The following CD24 variants were observed in gnomAD, a reference collection of about 807,000 sequenced individuals.
The protein encoded by CD24 is signal transducer CD24.
Under a neutral mutation model 3.6 loss-of-function variants are expected in CD24, and 2 were observed. The ratio of observed to expected loss-of-function variants is 0.56; its 90% CI spans 0.23 to 1.77. The LOEUF (loss-of-function observed/expected upper bound fraction) is 1.77, where lower values mean the gene tolerates loss of function less well. Among genes scored for constraint, CD24 ranks in the 40% most tolerant of loss-of-function variants. CD24 has a pLI of 0.18. For synonymous variants in CD24, 33 were observed against 44.9 expected (o/e 0.74, Z 1.06); for missense variants, 62 against 93.6 (o/e 0.66, Z 1.39).
At position 106,974,577 on chromosome 6, in the gene CD24, C is replaced by T; in HGVS notation, c.69+1G>A. On this transcript the variant is annotated splice_donor_variant, in intron 1 of 1. Transcript: ENST00000606017. LOFTEE classifies it high-confidence loss of function. Reference sequence around the variant, plus strand: ...AGCCCCGCCGGGCGCCAGGGCCTCACCTGCGTGGGTAGGAGCAGTGCCAGC... The same window carrying T: ...AGCCCCGCCGGGCGCCAGGGCCTCATCTGCGTGGGTAGGAGCAGTGCCAGC... The T allele has an allele frequency of 6.9e-7, 1 of 1,445,024 alleles. No individual in the cohort carries two copies. The highest frequency in any genetic ancestry group is 9.0e-7 in the Non-Finnish European group (1 of 1,108,520). 89.5% of individuals were successfully genotyped at this position (1,445,024 alleles called of 1,614,324 possible). A position where few individuals can be genotyped will look rare whatever the true frequency, so the allele number is the denominator to read the frequency against.
At chr6:106,971,882 C>T in intron 1 of CD24, 48 bp from the exon 2 acceptor site, 1 of 1,237,346 alleles carries the variant, frequency 8.1e-7, no homozygotes, top group South Asian at 1.3e-5. Context: ...ATCACAGCTA[C>T]CTCCATGTAC....
intron 1 of CD24, chr6:106,973,365 G>T: frequency 3.1e-6 from 1 of 320,904 alleles, no homozygotes; most frequent in Non-Finnish European, 5.6e-6. Flanking sequence ...GGCGGGGAGT[G>T]GAGGGGGCCG....
At chr6:106,974,924 A>AGCGCCCCGGGCGGGC (rs1469230091), upstream of CD24, among the ~76,000 whole-genome samples, 12 of 143,332 alleles carry the variant, frequency 8.4e-5, no homozygotes, top group African/African-American at 2.8e-4. Context: ...GCGGGCCGGG[A>AGCGCCCCGGGCGGGC]GCCCCCCGGG....
chr6:106,971,144 G>A lies in CD24; in HGVS notation c.*517C>T, dbSNP rs1242690042. 4.5e-5 allele frequency: 7 copies of A among 156,188 alleles called. No individual in the cohort carries two copies. Among genetic ancestry groups the A allele is most frequent in the African/African-American group, 1.4e-4 (6 of 41,436 alleles). 9.7% of individuals were successfully genotyped at this position (156,188 alleles called of 1,614,324 possible). ...TGTAAAACTTCATCTAGAGTATATC[G>A]GCATTAAATTAGTGCTGTCGAAACA... is the stretch of plus-strand genomic sequence containing the variant. On this transcript the variant is annotated 3_prime_UTR_variant, in exon 2 of 2. Transcript: ENST00000606017.
chr6:106,974,171 A>C (rs1485864129), intron 1 of CD24: 5 of 377,314 alleles, frequency 1.3e-5, no homozygotes, highest in African/African-American at 8.3e-5. Flanking sequence ...AGACATTCCT[A>C]GGGGAAAGCG....
In CD24 at chr6:106,974,651, C is replaced by T; in HGVS notation, c.-5G>A. 1 of 1,494,762 alleles carries T rather than the reference C, an allele frequency of 6.7e-7. No individual in the cohort carries two copies. Among genetic ancestry groups the T allele is most frequent in the Non-Finnish European group, 8.9e-7 (1 of 1,125,330 alleles). 92.6% of individuals were successfully genotyped at this position (1,494,762 alleles called of 1,614,324 possible). On this transcript the variant is annotated 5_prime_UTR_variant, in exon 1 of 2. Transcript: ENST00000606017. ...GGCCACCATTGCTCTGCCCATGTCC[C>T]CTCCGTCGGTGCGCGGCGCGTCTAG...
chr6:106,971,776 T>C lies in CD24; in HGVS notation c.128A>G (p.Asn43Ser), dbSNP rs1484278472. 1.5e-5 allele frequency: 23 copies of C among 1,551,388 alleles called. No individual in the cohort carries two copies. Among genetic ancestry groups the C allele is most frequent in the Non-Finnish European group, 2.0e-5 (23 of 1,146,848 alleles). Residue 43 changes from asparagine to serine, a missense_variant, in exon 2 of 2, where the codon AAC (asparagine) becomes AGC (serine). Coordinates refer to ENST00000606017, the MANE Select transcript of CD24 (RefSeq NM_001359084.1). ...AGTTGGATTTGGGGCCAACCCAGAGTTGGAAGTACTCTGGGAGGAGTTACT... is the reference window on the plus strand; with the variant it reads ...AGTTGGATTTGGGGCCAACCCAGAGCTGGAAGTACTCTGGGAGGAGTTACT... ...TSSNSSQSTS[N>S]SGLAPNPTNA...
chr6:106,971,213 G>GGAACT lies in CD24; in HGVS notation c.*447_*448insAGTTC, dbSNP rs1384987738. 4 of 170,502 alleles carry GGAACT rather than the reference G, an allele frequency of 2.3e-5. No individual in the cohort carries two copies. The highest frequency in any genetic ancestry group is 9.6e-5 in the African/African-American group (4 of 41,514). 10.6% of individuals were successfully genotyped at this position (170,502 alleles called of 1,614,324 possible). A position where few individuals can be genotyped will look rare whatever the true frequency, so the allele number is the denominator to read the frequency against. On this transcript the variant is annotated 3_prime_UTR_variant, in exon 2 of 2. Coordinates refer to ENST00000606017, the MANE Select transcript of CD24 (RefSeq NM_001359084.1). ...GTAACACCTGGAAGTTCCTTCTCAT[G>GGAACT]TACATATAAATAGAATCATGGAAGC...
At chr6:106,974,460 C>T (rs1260316290) in intron 1 of CD24, 118 bp downstream of exon 1, 3 of 585,190 alleles carry the variant, frequency 5.1e-6, no homozygotes, top group East Asian at 6.9e-5. Flanking sequence ...AGATTCTCTC[C>T]CGGTCCCTGT....
upstream of CD24, chr6:106,974,807 C>A: frequency 1.6e-6 from 1 of 614,010 alleles, no homozygotes; most frequent in South Asian, 2.7e-5. Flanking sequence ...CCCGCCCACC[C>A]CGGCTCCCCT....
At position 106,971,526 on chromosome 6, in the gene CD24, T is replaced by C; in HGVS notation, c.*135A>G. 1.5e-6 allele frequency: 1 copy of C among 656,366 alleles called. No individual in the cohort carries two copies. Among genetic ancestry groups the C allele is most frequent in the South Asian group, 1.8e-5 (1 of 55,680 alleles). 40.7% of individuals were successfully genotyped at this position (656,366 alleles called of 1,614,324 possible). On this transcript the variant is annotated 3_prime_UTR_variant, in exon 2 of 2. Transcript: ENST00000606017. ...CAAATTTGGGATTCTCAACATTTTC[T>C]GTGTCAATAAAAGGTGTGGAATTAG...
chr6:106,973,459 A>C, intron 1 of CD24: 1 of 384,854 alleles, frequency 2.6e-6, no homozygotes. Context: ...ACAATAGGGT[A>C]CGGTTACCCC....
At chr6:106,976,852 A>G (rs2114904284), upstream of CD24, among the ~76,000 whole-genome samples, 1 of 152,104 alleles carries the variant, frequency 6.6e-6, no homozygotes, top group East Asian at 1.9e-4. Context: ...GGGCAACAAG[A>G]GCAAAACTCT....
Position 106,970,729 on chromosome 6 carries a change from T to C in CD24, c.*932A>G, listed in dbSNP as rs1164702200. The C allele has an allele frequency of 3.3e-5, 5 of 152,118 alleles. No individual in the cohort carries two copies. The highest frequency in any genetic ancestry group is 9.7e-5 in the African/African-American group (4 of 41,404). The allele number at this position is 152,118 out of a possible 1,614,324, so 9.4% of individuals were successfully genotyped here. A position where few individuals can be genotyped will look rare whatever the true frequency, so the allele number is the denominator to read the frequency against. ...TGGGAGGCTGAGGCAGGAGAATCGC[T>C]TGAGCCCGGGAGGCAAATGGTACAC... On this transcript the variant is annotated 3_prime_UTR_variant, in exon 2 of 2. Transcript: ENST00000606017.
rs1295269943 is a variant in CD24 at position 106,971,520 on chromosome 6, A to G, written c.*141T>C. 3.3e-4 allele frequency: 215 copies of G among 648,494 alleles called. 2 individuals are homozygous for G. The African/African-American group carries it at 3.5e-3, about 11-fold the overall frequency. 40.2% of individuals were successfully genotyped at this position (648,494 alleles called of 1,614,324 possible). Reference sequence around the variant, plus strand: ...ATCAATCAAATTTGGGATTCTCAACATTTTCTGTGTCAATAAAAGGTGTGG... The same window carrying G: ...ATCAATCAAATTTGGGATTCTCAACGTTTTCTGTGTCAATAAAAGGTGTGG... On this transcript the variant is annotated 3_prime_UTR_variant, in exon 2 of 2. Coordinates refer to ENST00000606017, the MANE Select transcript of CD24 (RefSeq NM_001359084.1).
In CD24 at chr6:106,974,647, G is replaced by A; in HGVS notation, c.-1C>T. ...GCCTGGCCACCATTGCTCTGCCCAT[G>A]TCCCCTCCGTCGGTGCGCGGCGCGT... On this transcript the variant is annotated 5_prime_UTR_variant, in exon 1 of 2. Coordinates refer to ENST00000606017, the MANE Select transcript of CD24 (RefSeq NM_001359084.1). 6.7e-7 allele frequency: 1 copy of A among 1,494,472 alleles called. No individual in the cohort carries two copies. The highest frequency in any genetic ancestry group is 8.9e-7 in the Non-Finnish European group (1 of 1,125,134). The allele number at this position is 1,494,472 out of a possible 1,614,324, so 92.6% of individuals were successfully genotyped here.
At chr6:106,974,142 T>A (rs2114901019) in intron 1 of CD24, 1 of 387,986 alleles carries the variant, frequency 2.6e-6, no homozygotes, top group East Asian at 3.7e-5. Flanking sequence ...TCTCTTTGTG[T>A]AGAGCGCGGG....
rs907836970 is a variant in CD24, at chr6:106,973,731, G to A, written c.69+847C>T. 366 of 398,576 alleles carry A rather than the reference G, an allele frequency of 9.2e-4. 1 individual carries two copies. Among genetic ancestry groups the A allele is most frequent in the Middle Eastern group, 6.9e-3 (11 of 1,588 alleles). 24.7% of individuals were successfully genotyped at this position (398,576 alleles called of 1,614,324 possible). On this transcript the variant is annotated intron_variant, in intron 1 of 1. Coordinates refer to ENST00000606017, the MANE Select transcript of CD24 (RefSeq NM_001359084.1). ...CCAGCCCCCGGTCTCTCTCGCCGGC[G>A]CGGTGCATCCATACACCCTCGAGGC...
At chr6:106,973,954 C>T in intron 1 of CD24, 1 of 398,474 alleles carries the variant, frequency 2.5e-6, no homozygotes, top group South Asian at 1.3e-4. Context: ...AAGCGATGGA[C>T]GTGAAAGGTT....
Sources: allele counts gnomAD v4.1 joint callset (sites outside exome capture counted in the v4.1 genomes callset), GRCh38; gene constraint gnomAD v4.1.1; transcripts MANE v1.5; gene names NCBI Gene and HGNC (gene_info 2026-07-23, HGNC 2026-07-21).